The following C8orf34 variants were observed in gnomAD, a reference collection of about 807,000 sequenced individuals.
C8orf34 encodes the protein uncharacterized protein C8orf34.
Under a neutral mutation model 68.3 loss-of-function variants are expected in C8orf34, and 65 were observed. The ratio of observed to expected loss-of-function variants is 0.95; its 90% CI spans 0.78 to 1.17. The LOEUF (loss-of-function observed/expected upper bound fraction) is 1.17. Among genes scored for constraint, C8orf34 ranks in the 50% most tolerant of loss-of-function variants. The pLI is 0.00. For synonymous variants in C8orf34, 244 were observed against 241.2 expected, an observed-to-expected ratio of 1.01 and a Z score of -0.11; for missense variants, 664 against 655.4, an observed-to-expected ratio of 1.01 and a Z score of -0.14.
intron 7 of C8orf34, among the ~76,000 whole-genome samples, chr8:68,571,704 G>A (rs1456492148): frequency 6.6e-6 from 1 of 152,116 alleles, no homozygotes; most frequent in Non-Finnish European, 1.5e-5. Flanking sequence ...TAGAGAAATT[G>A]CAAATGGCCT....
intron 10 of C8orf34, among the ~76,000 whole-genome samples, chr8:68,749,560 AC>A (rs1407914488): frequency 2.9e-5 from 4 of 138,278 alleles, no homozygotes; most frequent in African/African-American, 1.0e-4. Context: ...CACTGTCATC[AC>A]CCCAGCAAGA....
intron 7 of C8orf34, among the ~76,000 whole-genome samples, chr8:68,617,185 T>C (rs1818247143): frequency 6.6e-6 from 1 of 152,222 alleles, no homozygotes; most frequent in African/African-American, 2.4e-5. Flanking sequence ...TGTGTGTCTC[T>C]GCACGTGAGA....
chr8:68,636,557 C>G (rs1175340024), intron 7 of C8orf34, among the ~76,000 whole-genome samples: 1 of 152,080 alleles, frequency 6.6e-6, no homozygotes, highest in African/African-American at 2.4e-5. Flanking sequence ...TGCACTCTTA[C>G]CTGGGTGACA....
intron 5 of C8orf34, among the ~76,000 whole-genome samples, chr8:68,510,218 G>C (rs1484316063): frequency 6.6e-6 from 1 of 152,132 alleles, no homozygotes; most frequent in Non-Finnish European, 1.5e-5. Context: ...TTGCAGAACT[G>C]AGTCCTCCTC....
intron 7 of C8orf34, among the ~76,000 whole-genome samples, chr8:68,569,151 T>C (rs896562551): frequency 1.3e-5 from 2 of 152,226 alleles, no homozygotes; most frequent in African/African-American, 2.4e-5. Flanking sequence ...ATCTTGAATC[T>C]TCACACACTT....
intron 3 of C8orf34, among the ~76,000 whole-genome samples, chr8:68,454,389 A>T (rs1397796378): frequency 2.0e-5 from 3 of 152,106 alleles, no homozygotes; most frequent in East Asian, 3.9e-4. Flanking sequence ...AAGCCGCTTT[A>T]TCCTGGCCTT....
chr8:68,700,261 C>G (rs190552785), intron 8 of C8orf34, among the ~76,000 whole-genome samples: 1 of 152,042 alleles, frequency 6.6e-6, no homozygotes, highest in Non-Finnish European at 1.5e-5. Context: ...GGAGGTAGAG[C>G]TGTGTCTGGG....
At chr8:68,685,981 A>C (rs28578946) in intron 8 of C8orf34, among the ~76,000 whole-genome samples, 4,515 of 152,126 alleles carry the variant, frequency 0.03, 218 homozygotes, top group African/African-American at 0.1. Context: ...GAAATGCAAA[A>C]GATCATTCGA....
At chr8:68,507,048 G>A (rs1433684135) in intron 5 of C8orf34, among the ~76,000 whole-genome samples, 1 of 152,050 alleles carries the variant, frequency 6.6e-6, no homozygotes, top group African/African-American at 2.4e-5. Context: ...GACTGTTATG[G>A]GAGAATTGAC....
At chr8:68,678,053 C>T (rs1820247592) in intron 8 of C8orf34, among the ~76,000 whole-genome samples, 1 of 152,146 alleles carries the variant, frequency 6.6e-6, no homozygotes, top group Admixed American at 6.6e-5. Context: ...AGAACCTAAA[C>T]AGACCAATAG....
At chr8:68,793,523 A>C (rs1428195694) in intron 12 of C8orf34, among the ~76,000 whole-genome samples, 1 of 151,910 alleles carries the variant, frequency 6.6e-6, no homozygotes, top group Non-Finnish European at 1.5e-5. Context: ...AGGGACATGG[A>C]TGAAGGTGGA....
chr8:68,431,560 TC>T (rs1459069528), intron 1 of C8orf34, among the ~76,000 whole-genome samples: 1 of 152,206 alleles, frequency 6.6e-6, no homozygotes, highest in Admixed American at 6.6e-5. Context: ...TGAAAGTATT[TC>T]CGTAGGATAT....
chr8:68,660,907 G>A (rs542337314), intron 8 of C8orf34, among the ~76,000 whole-genome samples: 11 of 151,878 alleles, frequency 7.2e-5, no homozygotes, highest in Non-Finnish European at 1.6e-4. Context: ...AAAAGGGGGG[G>A]GAAAAACAAC....
intron 12 of C8orf34, among the ~76,000 whole-genome samples, chr8:68,788,250 A>G (rs2129529029): frequency 6.6e-6 from 1 of 152,356 alleles, no homozygotes; most frequent in Non-Finnish European, 1.5e-5. Flanking sequence ...TGTGATGAAT[A>G]AATAATTCTC....
intron 6 of C8orf34, among the ~76,000 whole-genome samples, chr8:68,523,871 G>A (rs554242692): frequency 6.6e-6 from 1 of 152,118 alleles, no homozygotes; most frequent in South Asian, 2.1e-4. Flanking sequence ...TGACAAAATC[G>A]TATCCTAGAC....
intron 8 of C8orf34, among the ~76,000 whole-genome samples, chr8:68,660,937 G>A (rs1043250704): frequency 1.3e-5 from 2 of 152,122 alleles, no homozygotes; most frequent in Admixed American, 6.6e-5. Context: ...GCAGGGTGGG[G>A]AAGCTGCCTG....
In C8orf34 at chr8:68,594,245, A is replaced by G. The variant is rs145117639; in HGVS notation, c.1106-46131A>G. Among the ~76,000 whole-genome samples the G allele has an allele frequency of 2.4e-3, 363 of 152,034 alleles. 1 individual carries two copies. The highest frequency in any genetic ancestry group is 8.0e-3 in the African/African-American group (333 of 41,502). ...TGTTTATTTTTCGTCCCCTTGGCCC[A>G]TGGATATCTGCATTTATCTAACTCT... On this transcript the variant is annotated intron_variant, in intron 7 of 13. Transcript: ENST00000518698.
intron 1 of C8orf34, among the ~76,000 whole-genome samples, chr8:68,359,352 G>A (rs1806886475): frequency 6.6e-6 from 1 of 152,160 alleles, no homozygotes; most frequent in African/African-American, 2.4e-5. Context: ...GTATTGTTAA[G>A]TCATTGTTTT....
At chr8:68,690,252 A>G (rs1820647440) in intron 8 of C8orf34, among the ~76,000 whole-genome samples, 1 of 152,000 alleles carries the variant, frequency 6.6e-6, no homozygotes, top group Admixed American at 6.6e-5. Context: ...GACATTTGAA[A>G]ACTATTGTAG....
Sources: gnomAD v4.1 joint callset for allele counts (sites outside exome capture counted in the v4.1 genomes callset) on GRCh38, gnomAD v4.1.1 for gene constraint, MANE v1.5 for transcripts, NCBI Gene and HGNC (gene_info 2026-07-23, HGNC 2026-07-21) for gene names.